SOX6: variants seen among roughly 807,000 people sequenced by gnomAD.
SOX6 encodes SRY-box transcription factor 6.
In SOX6, 11 loss-of-function variants were observed where a neutral mutation model predicts 97.8. The observed-to-expected ratio is 0.11, with a 90% confidence interval of 0.07 to 0.19. SOX6 has a LOEUF of 0.19. Ranked by LOEUF, SOX6 falls within the 10% of genes least tolerant of loss-of-function variation. SOX6 has a pLI of 1.00. For missense variants in SOX6, 810 were observed against 1,039.5 expected, an observed-to-expected ratio of 0.78 and a Z score of 3.04; for synonymous variants, 360 against 371.4, an observed-to-expected ratio of 0.97 and a Z score of 0.35.
intron 4 of SOX6, among the ~76,000 whole-genome samples, chr11:16,518,265 T>C (rs964922226): frequency 6.6e-6 from 1 of 152,160 alleles, no homozygotes; most frequent in Non-Finnish European, 1.5e-5. Context: ...CCTTCAGGGC[T>C]TTATTTATGT....
At chr11:16,412,531 A>G (rs1476365185) in intron 1 of SOX6, among the ~76,000 whole-genome samples, 1 of 152,170 alleles carries the variant, frequency 6.6e-6, no homozygotes, top group Non-Finnish European at 1.5e-5. Flanking sequence ...CCAGCTACTC[A>G]GGAGGCTAAG....
intron 3 of SOX6, among the ~76,000 whole-genome samples, chr11:16,289,535 A>G (rs749016383): frequency 1.3e-5 from 2 of 152,072 alleles, no homozygotes; most frequent in South Asian, 2.1e-4. Flanking sequence ...TCTTCAACTT[A>G]AAGAAATGAA....
At chr11:16,188,480 G>A (rs1456754388) in intron 4 of SOX6, among the ~76,000 whole-genome samples, 1 of 152,034 alleles carries the variant, frequency 6.6e-6, no homozygotes, top group Non-Finnish European at 1.5e-5. Context: ...AGAATTTATT[G>A]ATCCAGAACT....
At chr11:16,604,561 G>A (rs563678617) in intron 4 of SOX6, among the ~76,000 whole-genome samples, 2 of 152,282 alleles carry the variant, frequency 1.3e-5, no homozygotes, top group East Asian at 3.9e-4. Flanking sequence ...CGTCATCCGA[G>A]CGCCCATTGA....
At chr11:16,383,963 C>T (rs1857903041) in intron 1 of SOX6, among the ~76,000 whole-genome samples, 1 of 151,836 alleles carries the variant, frequency 6.6e-6, no homozygotes, top group Non-Finnish European at 1.5e-5. Flanking sequence ...AATTTGGAGA[C>T]CACTCAATGT....
intron 7 of SOX6, among the ~76,000 whole-genome samples, chr11:16,100,945 G>A (rs1440966209): frequency 2.0e-5 from 3 of 151,470 alleles, no homozygotes; most frequent in African/African-American, 4.8e-5. Context: ...ACTAGAAGAC[G>A]GGACAAAAGA....
chr11:16,480,907 T>C (rs538320577), upstream of SOX6, among the ~76,000 whole-genome samples: 5 of 152,278 alleles, frequency 3.3e-5, no homozygotes, highest in African/African-American at 7.2e-5. Flanking sequence ...ATATTATACA[T>C]AGTGAGCCAC....
chr11:16,116,704 G>A (rs758207841), intron 6 of SOX6, among the ~76,000 whole-genome samples: 3 of 152,092 alleles, frequency 2.0e-5, no homozygotes, highest in Non-Finnish European at 4.4e-5. Context: ...CCAACCCCTG[G>A]GCTGTGGACC....
At chr11:16,677,430 C>G (rs1267042644) in intron 3 of SOX6, among the ~76,000 whole-genome samples, 2 of 152,164 alleles carry the variant, frequency 1.3e-5, no homozygotes, top group Non-Finnish European at 2.9e-5. Context: ...TTTTAAAAAA[C>G]TCGATCTTCA....
At chr11:16,281,863 A>C (rs1333945981) in intron 3 of SOX6, among the ~76,000 whole-genome samples, 1 of 151,504 alleles carries the variant, frequency 6.6e-6, no homozygotes, top group African/African-American at 2.4e-5. Flanking sequence ...TATTATGTGT[A>C]TTTTCACTGA....
intron 7 of SOX6, among the ~76,000 whole-genome samples, chr11:16,103,524 A>G (rs1420532314): frequency 6.6e-6 from 1 of 151,964 alleles, no homozygotes; most frequent in East Asian, 1.9e-4. Context: ...CTAGGTATCT[A>G]CCCAGAGGAA....
intron 3 of SOX6, among the ~76,000 whole-genome samples, chr11:16,641,974 G>A (rs1184303278): frequency 3.3e-5 from 5 of 152,240 alleles, no homozygotes; most frequent in East Asian, 3.9e-4. Context: ...TATTTTGCTC[G>A]TTAGTTGATG....
chr11:16,010,173 C>CACAA (rs1187251144), intron 13 of SOX6, among the ~76,000 whole-genome samples: 5 of 139,740 alleles, frequency 3.6e-5, no homozygotes, highest in Non-Finnish European at 6.3e-5. Flanking sequence ...CACACACACA[C>CACAA]AAATAAAGCT....
intron 3 of SOX6, chr11:16,252,252 C>G (rs908912939): frequency 6.8e-4 from 103 of 152,262 alleles, no homozygotes; most frequent in African/African-American, 2.5e-3. Flanking sequence ...AAGTAAATAG[C>G]TGAATAAACT....
intron 12 of SOX6, among the ~76,000 whole-genome samples, chr11:16,019,657 T>C (rs1193026496): frequency 1.3e-5 from 2 of 152,098 alleles, no homozygotes; most frequent in Non-Finnish European, 2.9e-5. Context: ...AATTTCTACA[T>C]GGGGATTCTG....
intron 12 of SOX6, among the ~76,000 whole-genome samples, chr11:16,044,535 T>C (rs535741326): frequency 1.3e-5 from 2 of 152,088 alleles, no homozygotes; most frequent in Non-Finnish European, 2.9e-5. Flanking sequence ...TGGAACCCCA[T>C]AAAATTAAGA....
At chr11:16,112,701 A>G (rs1326480033) in intron 6 of SOX6, among the ~76,000 whole-genome samples, 2 of 152,188 alleles carry the variant, frequency 1.3e-5, no homozygotes, top group African/African-American at 4.8e-5. Context: ...CTATATCAGT[A>G]TTTGTATTCC....
intron 4 of SOX6, among the ~76,000 whole-genome samples, chr11:16,202,741 G>A (rs982814429): frequency 6.6e-6 from 1 of 151,812 alleles, no homozygotes; most frequent in African/African-American, 2.4e-5. Context: ...TTCCAAGAAT[G>A]GCTTTTAAAA....
intron 13 of SOX6, among the ~76,000 whole-genome samples, chr11:16,001,019 G>C (rs1241578101): frequency 6.8e-6 from 1 of 147,022 alleles, no homozygotes; most frequent in Non-Finnish European, 1.5e-5. Context: ...ACTGTACCCA[G>C]CTAATTTTTT....
Sources: allele counts gnomAD v4.1 joint callset (sites outside exome capture counted in the v4.1 genomes callset), GRCh38; gene constraint gnomAD v4.1.1; transcripts MANE v1.5; gene names NCBI Gene and HGNC (gene_info 2026-07-23, HGNC 2026-07-21).